ATRX: variants seen among roughly 807,000 people sequenced by gnomAD.
ATRX encodes ATRX chromatin remodeler.
ATRX carries 12 observed loss-of-function variants against 172.6 expected under a neutral mutation model. That is an observed-to-expected ratio of 0.07 (90% CI 0.04 to 0.11). The LOEUF (loss-of-function observed/expected upper bound fraction) is 0.11. Among genes scored for constraint, ATRX ranks in the 10% least tolerant of loss-of-function variants. The pLI is 1.00. For missense variants in ATRX, 1,368 were observed against 1,767.4 expected (o/e 0.77, Z 4.05); for synonymous variants, 674 against 594.7 (o/e 1.13, Z -1.94).
intron 27 of ATRX, among the ~76,000 whole-genome samples, chrX:77,585,967 G>C (rs901292706): frequency 1.8e-5 from 2 of 111,506 alleles, no homozygotes; most frequent in Non-Finnish European, 3.8e-5. Flanking sequence ...ATACAGAGTA[G>C]AAGGATGGTT....
rs782689212 is a variant in ATRX, at chrX:77,759,222, G to A, written c.20+26760C>T. On this transcript the variant is annotated intron_variant, in intron 1 of 34. Transcript: ENST00000373344. ...ACATCGACCAGGATGAAGAACTGCA[G>A]AACAAGAACATTCTCAAACTGCCAG... is the stretch of plus-strand genomic sequence containing the variant. Among the ~76,000 whole-genome samples, 8 of 111,382 alleles carry A rather than the reference G, an allele frequency of 7.2e-5. No individual in the cohort carries two copies. In the South Asian group the frequency reaches 3.0e-3, roughly 42 times the overall value.
chrX:77,604,633 C>G (rs781854037), intron 22 of ATRX, among the ~76,000 whole-genome samples: 1 of 111,847 alleles, frequency 8.9e-6, no homozygotes, highest in South Asian at 3.7e-4. Context: ...AGCAATCCCA[C>G]TACTAGGTAT....
intron 1 of ATRX, among the ~76,000 whole-genome samples, chrX:77,728,764 C>CTTTTCT (rs782772101): frequency 5.3e-5 from 5 of 94,084 alleles, no homozygotes; most frequent in South Asian, 4.9e-4. Flanking sequence ...CTTTTCTTTT[C>CTTTTCT]TTTTTTTTTT....
intron 15 of ATRX, chrX:77,651,840 C>T: frequency 3.1e-6 from 1 of 325,062 alleles, no homozygotes; most frequent in South Asian, 4.7e-5. Flanking sequence ...GCCTGGGTAA[C>T]AGAGCCAGAC....
chrX:77,775,783 G>A (rs899567172), intron 1 of ATRX, among the ~76,000 whole-genome samples: 4 of 110,430 alleles, frequency 3.6e-5, no homozygotes, highest in African/African-American at 6.6e-5. Context: ...CGCCCAGGCC[G>A]GAGTGCGGTG....
intron 28 of ATRX, among the ~76,000 whole-genome samples, chrX:77,565,435 A>G (rs782794500): frequency 1.8e-5 from 2 of 112,495 alleles, no homozygotes; most frequent in Non-Finnish European, 3.7e-5. Context: ...TAGATGTTAG[A>G]ATTGTCTGAC....
chrX:77,701,565 A>G (rs1409441793), intron 2 of ATRX, among the ~76,000 whole-genome samples: 5 of 111,202 alleles, frequency 4.5e-5, no homozygotes, highest in African/African-American at 1.6e-4. Context: ...AGGAAATTTT[A>G]AAATCTACAA....
chrX:77,771,680 G>A (rs2076158161), intron 1 of ATRX, among the ~76,000 whole-genome samples: 2 of 111,221 alleles, frequency 1.8e-5, no homozygotes, highest in African/African-American at 6.5e-5. Flanking sequence ...TTATATCTCT[G>A]TAACTGTACT....
chrX:77,674,739 T>C (rs968794717), intron 10 of ATRX: 5 of 110,938 alleles, frequency 4.5e-5, no homozygotes, highest in Admixed American at 9.6e-5. Flanking sequence ...GAAAATCAAA[T>C]AGCAAATATA....
At chrX:77,755,885 G>A (rs1407086828) in intron 1 of ATRX, among the ~76,000 whole-genome samples, 1 of 112,231 alleles carries the variant, frequency 8.9e-6, no homozygotes, top group African/African-American at 3.2e-5. Context: ...CTCCTTGTCA[G>A]GATCCACTGC....
In ATRX at chrX:77,664,057, C is replaced by T. The variant is rs782564628; in HGVS notation, c.3944-499G>A. On this transcript the variant is annotated intron_variant, in intron 11 of 34. Coordinates refer to ENST00000373344, the MANE Select transcript of ATRX (RefSeq NM_000489.6). ...CAGAGGTTGCAGTGAGCCAAAATTGCGCTATTGCACCCCTGCCTGGGCAAC... is the reference window on the plus strand; with the variant it reads ...CAGAGGTTGCAGTGAGCCAAAATTGTGCTATTGCACCCCTGCCTGGGCAAC... Among the ~76,000 whole-genome samples, 17 of 106,435 alleles carry T rather than the reference C, an allele frequency of 1.6e-4. No individual in the cohort carries two copies. In the South Asian group the frequency reaches 4.4e-3, roughly 27 times the overall value. The allele number at this position is 106,435 out of a possible 115,157, so 92.4% of individuals were successfully genotyped here. A position where few individuals can be genotyped will look rare whatever the true frequency, so the allele number is the denominator to read the frequency against.
chrX:77,541,276 C>T lies in ATRX; in HGVS notation c.6699+16175G>A, dbSNP rs782069207. Among the ~76,000 whole-genome samples the T allele has an allele frequency of 8.9e-5, 10 of 111,917 alleles. No homozygotes were observed. In the South Asian group the frequency reaches 1.1e-3, roughly 13 times the overall value. ...TCCCAAGTCTAAACCGGGAAGAAGTCGAATCTGTGAATAGACTAATAACAA... is the reference window on the plus strand; with the variant it reads ...TCCCAAGTCTAAACCGGGAAGAAGTTGAATCTGTGAATAGACTAATAACAA... On this transcript the variant is annotated intron_variant, in intron 30 of 34. Transcript: ENST00000373344.
intron 2 of ATRX, among the ~76,000 whole-genome samples, chrX:77,700,803 T>C (rs782664570): frequency 8.9e-6 from 1 of 112,213 alleles, no homozygotes; most frequent in South Asian, 3.7e-4. Context: ...TACATACATA[T>C]GATTACAACT....
rs2148618918 is a variant in ATRX, at chrX:77,683,659, C to G, written c.1597G>C (p.Glu533Gln). ...GAACTCTGAACTTCCATAGCAGTCTCAAGATTCTCAAAAATGTCTTCTGGA... is the reference window on the plus strand; with the variant it reads ...GAACTCTGAACTTCCATAGCAGTCTGAAGATTCTCAAAAATGTCTTCTGGA... Reference protein sequence around the residue: ...SVPEDIFENLETAMEVQSSVD... With the variant: ...SVPEDIFENLQTAMEVQSSVD... Residue 533 changes from glutamate to glutamine, a missense_variant, in exon 9 of 35, where the codon GAG becomes CAG. Coordinates refer to ENST00000373344, the MANE Select transcript of ATRX (RefSeq NM_000489.6). 1 of 1,211,179 alleles carries G rather than the reference C, an allele frequency of 8.3e-7. No individual in the cohort carries two copies. Among genetic ancestry groups the G allele is most frequent in the Non-Finnish European group, 1.1e-6 (1 of 895,055 alleles).
chrX:77,547,562 G>A (rs904960174), intron 30 of ATRX, among the ~76,000 whole-genome samples: 2 of 111,866 alleles, frequency 1.8e-5, no homozygotes, highest in African/African-American at 6.5e-5. Flanking sequence ...TTTGTGGAGG[G>A]AAAATAGAAG....
In ATRX at chrX:77,683,877, G is replaced by A. The variant is rs1557141807; in HGVS notation, c.1379C>T (p.Ser460Leu). ...CTGTTTTCTTGAAAGTTTAGCTTCT[G>A]ACTTTGAAATATCCTTCTTTTCCAA... ...CALEKKDISK[S>L]EAKLSRKQVD... is the part of the protein sequence containing the mutation. The change falls in exon 9 of 35, where the codon TCA (serine) becomes TTA (leucine). Residue 460 changes from serine to leucine, a missense_variant. Around this residue, in one of 17 missense-constraint regions of ATRX, gnomAD observed 843 missense variants for 643.1 expected, o/e 1.31. Transcript: ENST00000373344. 5.0e-6 allele frequency: 6 copies of A among 1,209,099 alleles called. No homozygotes were observed. The highest frequency in any genetic ancestry group is 4.5e-6 in the Non-Finnish European group (4 of 893,342).
intron 27 of ATRX, among the ~76,000 whole-genome samples, chrX:77,580,863 CAT>C (rs2065802195): frequency 8.9e-6 from 1 of 111,952 alleles, no homozygotes; most frequent in South Asian, 3.6e-4. Flanking sequence ...CATATCAAGA[CAT>C]AGTACAATAA....
intron 1 of ATRX, among the ~76,000 whole-genome samples, chrX:77,735,249 G>A (rs5912367): frequency 0.047 from 5,281 of 111,738 alleles, 152 homozygotes; most frequent in Non-Finnish European, 0.075. Context: ...ACCACCTGAG[G>A]TCAGGAGTTC....
chrX:77,671,797 C>A (rs1244728195), intron 10 of ATRX, among the ~76,000 whole-genome samples: 1 of 109,742 alleles, frequency 9.1e-6, no homozygotes, highest in Non-Finnish European at 1.9e-5. Flanking sequence ...TGAGGAAGAC[C>A]TATTTCTTAT....
Sources: allele counts gnomAD v4.1 joint callset (sites outside exome capture counted in the v4.1 genomes callset), GRCh38; gene constraint gnomAD v4.1.1; regional missense constraint gnomAD v4.1.1; transcripts MANE v1.5; gene names NCBI Gene and HGNC (gene_info 2026-07-23, HGNC 2026-07-21).